The following NRXN1 variants were observed in gnomAD, a reference collection of about 807,000 sequenced individuals.
NRXN1 encodes neurexin-1.
NRXN1 carries 39 observed loss-of-function variants against 150.9 expected under a neutral mutation model. The observed-to-expected ratio is 0.26, with a 90% CI of 0.20 to 0.34. NRXN1 has a LOEUF of 0.34. NRXN1 is among the 10% of genes least tolerant of loss of function. The pLI is 1.00. For missense variants in NRXN1, 1,815 were observed against 1,949.9 expected (o/e 0.93, Z 1.30); for synonymous variants, 924 against 757.0 (o/e 1.22, Z -3.62).
At chr2:50,486,695 C>T (rs2090899943) in intron 15 of NRXN1, among the ~76,000 whole-genome samples, 1 of 151,982 alleles carries the variant, frequency 6.6e-6, no homozygotes, top group Non-Finnish European at 1.5e-5. Context: ...GAGGAGAGAA[C>T]TTCCCACAGA....
At chr2:50,941,937 G>A (rs545262390) in intron 2 of NRXN1, among the ~76,000 whole-genome samples, 12 of 152,316 alleles carry the variant, frequency 7.9e-5, no homozygotes, top group Admixed American at 5.2e-4. Context: ...GTATATCTTT[G>A]GGTAGCCCCT....
intron 21 of NRXN1, among the ~76,000 whole-genome samples, chr2:50,041,116 G>A (rs766123826): frequency 6.6e-6 from 1 of 152,092 alleles, no homozygotes; most frequent in African/African-American, 2.4e-5. Flanking sequence ...CACATAGCAA[G>A]AATAAATTCC....
At chr2:50,537,067 C>T (rs2093278072) in intron 10 of NRXN1, among the ~76,000 whole-genome samples, 1 of 152,068 alleles carries the variant, frequency 6.6e-6, no homozygotes, top group South Asian at 2.1e-4. Context: ...AATCTCAGAA[C>T]TAATAAGTTG....
intron 21 of NRXN1, among the ~76,000 whole-genome samples, chr2:49,988,512 G>A (rs1263429128): frequency 6.6e-6 from 1 of 151,726 alleles, no homozygotes; most frequent in African/African-American, 2.4e-5. Context: ...TAAACTCATG[G>A]CTGAATCACA....
At chr2:50,185,340 T>C (rs569390629) in intron 18 of NRXN1, among the ~76,000 whole-genome samples, 1 of 152,078 alleles carries the variant, frequency 6.6e-6, no homozygotes, top group East Asian at 1.9e-4. Context: ...TTAAATCTCC[T>C]GGGTTCCGTT....
At chr2:50,737,609 G>A (rs150644637) in intron 5 of NRXN1, among the ~76,000 whole-genome samples, 3 of 152,218 alleles carry the variant, frequency 2.0e-5, no homozygotes, top group Non-Finnish European at 2.9e-5. Context: ...ATTTGGGGGA[G>A]GAGGTCATGA....
At chr2:50,350,531 C>G (rs1283551354) in intron 17 of NRXN1, among the ~76,000 whole-genome samples, 1 of 152,162 alleles carries the variant, frequency 6.6e-6, no homozygotes, top group Admixed American at 6.5e-5. Context: ...TGCGTGTTTG[C>G]TAAGGATCAT....
chr2:50,576,444 G>A (rs1015723545), intron 8 of NRXN1, among the ~76,000 whole-genome samples: 1 of 151,948 alleles, frequency 6.6e-6, no homozygotes, highest in African/African-American at 2.4e-5. Context: ...ACTAATACCA[G>A]TGCATTCCTG....
chr2:50,166,310 TGTG>T (rs2059683199), intron 18 of NRXN1, among the ~76,000 whole-genome samples: 1 of 144,724 alleles, frequency 6.9e-6, no homozygotes, highest in South Asian at 2.1e-4. Context: ...TGTGTGTGTG[TGTG>T]TGTGTGTGTG....
At chr2:50,700,917 C>T (rs1463224404) in intron 5 of NRXN1, among the ~76,000 whole-genome samples, 1 of 151,878 alleles carries the variant, frequency 6.6e-6, no homozygotes, top group African/African-American at 2.4e-5. Flanking sequence ...CTGCCCGCCT[C>T]GGCCTCCGAA....
chr2:50,092,048 T>C (rs1019967188), intron 18 of NRXN1, among the ~76,000 whole-genome samples: 3 of 152,224 alleles, frequency 2.0e-5, no homozygotes, highest in African/African-American at 7.2e-5. Context: ...ATTTTATTGA[T>C]GATGAAACAT....
intron 5 of NRXN1, among the ~76,000 whole-genome samples, chr2:50,896,113 C>A (rs1424200578): frequency 1.3e-5 from 2 of 152,052 alleles, no homozygotes; most frequent in Admixed American, 6.6e-5. Context: ...GGGATTAATG[C>A]AGAAAATTAT....
At chr2:50,026,833 C>G (rs1375322646) in intron 21 of NRXN1, among the ~76,000 whole-genome samples, 1 of 130,448 alleles carries the variant, frequency 7.7e-6, no homozygotes, top group Non-Finnish European at 1.6e-5. Flanking sequence ...GTGCTACTCA[C>G]TTGCATTGTT....
intron 2 of NRXN1, among the ~76,000 whole-genome samples, chr2:50,929,506 T>G (rs558422922): frequency 6.6e-6 from 1 of 152,034 alleles, no homozygotes; most frequent in East Asian, 1.9e-4. Flanking sequence ...CTCTGCTAGA[T>G]GCCTGTGACT....
chr2:50,569,130 C>T (rs974273462), intron 8 of NRXN1, among the ~76,000 whole-genome samples: 2 of 151,712 alleles, frequency 1.3e-5, no homozygotes, highest in African/African-American at 2.4e-5. Flanking sequence ...GGATGGATAC[C>T]GGGGCCTGGG....
intron 5 of NRXN1, among the ~76,000 whole-genome samples, chr2:50,628,060 G>A (rs144218401): frequency 6.6e-6 from 1 of 151,868 alleles, no homozygotes; most frequent in South Asian, 2.1e-4. Flanking sequence ...TAAAGTTTTG[G>A]AGCTTGAAGA....
chr2:50,307,557 T>C (rs1187362570), intron 17 of NRXN1, among the ~76,000 whole-genome samples: 1 of 152,178 alleles, frequency 6.6e-6, no homozygotes, highest in African/African-American at 2.4e-5. Context: ...TATTCTGATA[T>C]TCATAAAAAT....
At chr2:50,943,237 G>T (rs369609382) in intron 2 of NRXN1, among the ~76,000 whole-genome samples, 3 of 152,118 alleles carry the variant, frequency 2.0e-5, no homozygotes, top group African/African-American at 7.2e-5. Context: ...AAATTACCAA[G>T]TCTCAAGCAG....
At chr2:50,116,588 T>C (rs947533002) in intron 18 of NRXN1, among the ~76,000 whole-genome samples, 1 of 152,054 alleles carries the variant, frequency 6.6e-6, no homozygotes, top group Non-Finnish European at 1.5e-5. Context: ...GCTTTGCATA[T>C]GTATAACAGG....
Sources: gnomAD v4.1 joint callset for allele counts (sites outside exome capture counted in the v4.1 genomes callset) on GRCh38, gnomAD v4.1.1 for gene constraint, MANE v1.5 for transcripts, NCBI Gene and HGNC (gene_info 2026-07-23, HGNC 2026-07-21) for gene names.